The following ADCY5 variants were observed in gnomAD, a reference collection of about 807,000 sequenced individuals.
ADCY5 encodes adenylate cyclase 5.
In ADCY5, 30 loss-of-function variants were observed where a neutral mutation model predicts 119.7. That is an observed-to-expected ratio of 0.25 (90% CI 0.19 to 0.34). The LOEUF (loss-of-function observed/expected upper bound fraction) is 0.34, where lower values mean the gene tolerates loss of function less well. Among genes scored for constraint, ADCY5 ranks in the 10% least tolerant of loss-of-function variants. The pLI is 1.00. For synonymous variants in ADCY5, 753 were observed against 762.2 expected (o/e 0.99, Z 0.20); for missense variants, 1,324 against 1,775.2 (o/e 0.75, Z 4.57).
chr3:123,284,852 G>A (rs1279731130), intron 20 of ADCY5, 116 bp from the exon 21 acceptor site: 1 of 1,395,794 alleles, frequency 7.2e-7, no homozygotes, highest in African/African-American at 1.4e-5. Context: ...CACAGAAGGA[G>A]AGGGGCAGCT....
intron 1 of ADCY5, among the ~76,000 whole-genome samples, chr3:123,436,724 T>TAAA (rs1945624519): frequency 6.6e-6 from 1 of 152,074 alleles, no homozygotes; most frequent in African/African-American, 2.4e-5. Context: ...ATAATAATAA[T>TAAA]AAATTTAAAA....
At position 123,424,654 on chromosome 3, in the gene ADCY5, C is replaced by T. The variant is rs115297614; in HGVS notation, c.1134+22758G>A. 5.7e-3 allele frequency among the ~76,000 whole-genome samples: 870 copies of T among 152,278 alleles called. 12 individuals carry two copies. Among genetic ancestry groups the T allele is most frequent in the African/African-American group, 0.015 (633 of 41,558 alleles). ...CCTTACAGCCCTTCCTCCAGCCTTA[C>T]CCAGAATGACCGTCCTCCTGATGGC... is the stretch of plus-strand genomic sequence containing the variant. On this transcript the variant is annotated intron_variant, in intron 1 of 20. Coordinates refer to ENST00000462833, the MANE Select transcript of ADCY5 (RefSeq NM_183357.3).
At chr3:123,297,078 T>C in intron 16 of ADCY5, 2 of 1,529,576 alleles carry the variant, frequency 1.3e-6, no homozygotes, top group Non-Finnish European at 1.8e-6. Context: ...TGAGGTTAAA[T>C]GCTTTAACAT....
chr3:123,344,493 T>G (rs1248204015), intron 3 of ADCY5, among the ~76,000 whole-genome samples: 2 of 152,184 alleles, frequency 1.3e-5, no homozygotes, highest in Non-Finnish European at 2.9e-5. Context: ...GCAACCCTAT[T>G]AAGTAGGTAC....
rs199689389 is a variant in ADCY5, at chr3:123,447,730, G to C, written c.816C>G (p.Ala272=). The change falls in exon 1 of 21, where the codon GCC becomes GCG. Residue 272 remains alanine, a synonymous_variant. Transcript: ENST00000462833. ...ARPPLQLPYL[A]VLAAAVGVIL... ...TCACGCCGACGGCGGCCGCCAGCAC[G>C]GCCAGGTAGGGCAGCTGGAGCGGGG... 3 of 1,599,914 alleles carry C rather than the reference G, an allele frequency of 1.9e-6. No homozygotes were observed. The highest frequency in any genetic ancestry group is 1.1e-5 in the South Asian group (1 of 90,034).
chr3:123,425,366 T>C (rs1172673787), intron 1 of ADCY5, among the ~76,000 whole-genome samples: 1 of 152,180 alleles, frequency 6.6e-6, no homozygotes, highest in African/African-American at 2.4e-5. Context: ...TCCCATTTGA[T>C]GTCTCAGGTC....
chr3:123,311,959 G>A (rs888944511), intron 12 of ADCY5, among the ~76,000 whole-genome samples: 6 of 151,876 alleles, frequency 4.0e-5, no homozygotes, highest in Non-Finnish European at 8.8e-5. Flanking sequence ...TAACAAAATA[G>A]GCAAATTCAA....
intron 17 of ADCY5, among the ~76,000 whole-genome samples, chr3:123,291,815 T>G (rs1017324043): frequency 6.6e-6 from 1 of 152,088 alleles, no homozygotes; most frequent in Admixed American, 6.5e-5. Flanking sequence ...TATCAGGAAA[T>G]GGAATCAAAA....
intron 12 of ADCY5, among the ~76,000 whole-genome samples, chr3:123,308,028 CTTTTTTTTTTT>C (rs1178147327): frequency 2.3e-5 from 2 of 85,658 alleles, no homozygotes; most frequent in African/African-American, 9.5e-5. Context: ...TTTTCATGCT[CTTTTTTTTTTT>C]TTTTTTTTTT....
At chr3:123,376,176 G>A (rs145255800) in intron 1 of ADCY5, among the ~76,000 whole-genome samples, 2,068 of 151,776 alleles carry the variant, frequency 0.014, 22 homozygotes, top group Non-Finnish European at 0.021. Flanking sequence ...GAAGAGCAAG[G>A]AAATGCCAAG....
intron 16 of ADCY5, chr3:123,296,831 C>T (rs1160417122): frequency 8.3e-6 from 5 of 605,966 alleles, no homozygotes; most frequent in Non-Finnish European, 1.4e-5. Flanking sequence ...ATACTCTTAA[C>T]AAAAGCAGCC....
chr3:123,420,174 C>T (rs987841017), intron 1 of ADCY5: 11 of 152,264 alleles, frequency 7.2e-5, no homozygotes, highest in African/African-American at 2.4e-4. Context: ...GGACAGGTCT[C>T]CTCTGTCCAG....
intron 14 of ADCY5, among the ~76,000 whole-genome samples, chr3:123,302,766 A>C (rs925867236): frequency 2.0e-5 from 3 of 152,222 alleles, no homozygotes; most frequent in Non-Finnish European, 2.9e-5. Context: ...GGCTGTTGGG[A>C]GGATTTAATG....
At chr3:123,302,995 A>G in intron 14 of ADCY5, 60 bp downstream of exon 14, 1 of 1,580,858 alleles carries the variant, frequency 6.3e-7, no homozygotes, top group Non-Finnish European at 8.6e-7. Flanking sequence ...AGCTGCAGTG[A>G]CAGTGGGGGA....
chr3:123,294,110 T>C lies in ADCY5; in HGVS notation c.3063+1974A>G, dbSNP rs188421346. ...GTGAGGGTTGCAGACGATAACCCAC[T>C]GGATTACATGGGAATCTGCGAGTCC... On this transcript the variant is annotated intron_variant, in intron 17 of 20. Transcript: ENST00000462833. Among the ~76,000 whole-genome samples, 83 of 152,308 alleles carry C rather than the reference T, an allele frequency of 5.4e-4. No individual in the cohort carries two copies. The East Asian group carries it at 0.012, about 22-fold the overall frequency.
chr3:123,322,802 T>C (rs773046069), intron 8 of ADCY5, among the ~76,000 whole-genome samples: 24 of 152,220 alleles, frequency 1.6e-4, no homozygotes, highest in Non-Finnish European at 2.6e-4. Context: ...GGCTCATCAC[T>C]TTTAAAAGCT....
At chr3:123,290,200 A>G (rs1939056811) in intron 18 of ADCY5, among the ~76,000 whole-genome samples, 1 of 152,108 alleles carries the variant, frequency 6.6e-6, no homozygotes, top group Non-Finnish European at 1.5e-5. Context: ...TCACGCCAGG[A>G]GCCCTGAAGA....
intron 1 of ADCY5, among the ~76,000 whole-genome samples, chr3:123,400,038 C>A (rs540804877): frequency 6.6e-6 from 1 of 152,318 alleles, no homozygotes; most frequent in African/African-American, 2.4e-5. Context: ...GGTTCAGACG[C>A]AGCAGTTACA....
intron 1 of ADCY5, among the ~76,000 whole-genome samples, chr3:123,437,184 G>A (rs1046884526): frequency 1.3e-5 from 2 of 152,322 alleles, no homozygotes; most frequent in East Asian, 3.9e-4. Context: ...AGGAGACCAT[G>A]CAGAACACCA....
Sources: allele counts gnomAD v4.1 joint callset (sites outside exome capture counted in the v4.1 genomes callset), GRCh38; gene constraint gnomAD v4.1.1; transcripts MANE v1.5; gene names NCBI Gene and HGNC (gene_info 2026-07-23, HGNC 2026-07-21).